The following PLAGL1 variants were observed in gnomAD, a reference collection of about 807,000 sequenced individuals.
The protein encoded by PLAGL1 is zinc finger protein PLAGL1.
PLAGL1 carries 1 observed loss-of-function variant against 4.6 expected under a neutral mutation model. The ratio of observed to expected loss-of-function variants is 0.22; its 90% confidence interval spans 0.08 to 1.03. PLAGL1 has a LOEUF of 1.03. PLAGL1 is among the 50% of genes least tolerant of loss of function. The pLI is 0.58. For missense variants in PLAGL1, 464 were observed against 570.4 expected (o/e 0.81, Z 1.90); for synonymous variants, 240 against 237.8 (o/e 1.01, Z -0.08).
At chr6:144,038,597 A>G (rs905018405) in intron 1 of PLAGL1, among the ~76,000 whole-genome samples, 97 of 152,324 alleles carry the variant, frequency 6.4e-4, no homozygotes, top group African/African-American at 2.2e-3. Flanking sequence ...TTTTTTTTCA[A>G]TGAATGGATA....
At position 143,994,769 on chromosome 6, in the gene PLAGL1, G is replaced by A. The variant is rs1388935317; in HGVS notation, c.-583-9595C>T. Reference sequence around the variant, plus strand: ...TAATGTGACTGTATTTGGAGATAGGGCCATCAGGGAGGTAATTAAGGTTAA... The same window carrying A: ...TAATGTGACTGTATTTGGAGATAGGACCATCAGGGAGGTAATTAAGGTTAA... On this transcript the variant is annotated intron_variant, in intron 1 of 7. Coordinates refer to ENST00000674357, the MANE Select transcript of PLAGL1 (RefSeq NM_001317162.2). This position sits in a 1 kb window ranked among gnomAD's most constrained non-coding sequence, Gnocchi z 4.3. Among the ~76,000 whole-genome samples the A allele has an allele frequency of 6.6e-6, 1 of 152,152 alleles. No individual in the cohort carries two copies. Among genetic ancestry groups the A allele is most frequent in the African/African-American group, 2.4e-5 (1 of 41,434 alleles).
chr6:144,044,043 T>C (rs574015708), intron 1 of PLAGL1, among the ~76,000 whole-genome samples: 17 of 152,322 alleles, frequency 1.1e-4, no homozygotes, highest in Admixed American at 5.9e-4. Context: ...TCATTTTTTA[T>C]TGTGTCTATT....
rs370261678 is a variant in PLAGL1 at position 144,060,612 on chromosome 6, GA to G, written c.-151+3855del. Reference sequence around the variant, plus strand: ...GGAGATTAAATCTGCCTCTTCCCAAGAAAAAAATGAACCAACACTGGGAAGT... The same window carrying G: ...GGAGATTAAATCTGCCTCTTCCCAAGAAAAAATGAACCAACACTGGGAAGT... On this transcript the variant is annotated intron_variant, in intron 1 of 3. Transcript: ENST00000437412. 3.2e-3 allele frequency among the ~76,000 whole-genome samples: 492 copies of G among 152,126 alleles called. 3 individuals carry two copies. Among genetic ancestry groups the G allele is most frequent in the African/African-American group, 0.011 (473 of 41,528 alleles).
intron 2 of PLAGL1, among the ~76,000 whole-genome samples, chr6:143,980,389 T>G (rs975185296): frequency 8.8e-5 from 2 of 22,798 alleles, no homozygotes; most frequent in African/African-American, 1.4e-4. Flanking sequence ...TTTTTTCTAG[T>G]TTTTTTTTTT....
Position 143,959,101 on chromosome 6 carries a change from C to T in PLAGL1, c.-325+1368G>A, listed in dbSNP as rs558562623. Among the ~76,000 whole-genome samples, 12 of 152,336 alleles carry T rather than the reference C, an allele frequency of 7.9e-5. No individual in the cohort carries two copies. The South Asian group carries it at 1.9e-3, about 24-fold the overall frequency. On this transcript the variant is annotated intron_variant, in intron 6 of 7. Coordinates refer to ENST00000674357, the MANE Select transcript of PLAGL1 (RefSeq NM_001317162.2). This position sits in a 1 kb window ranked among gnomAD's most constrained non-coding sequence, Gnocchi z 5.3. ...TGCTGCTCTGCGCTCCCCGTCGCCCCGGAGGCCGGCACCTTGCTCACAATA... is the reference window on the plus strand; with the variant it reads ...TGCTGCTCTGCGCTCCCCGTCGCCCTGGAGGCCGGCACCTTGCTCACAATA...
chr6:144,032,134 T>TTTTTTTA (rs1796879379), intron 1 of PLAGL1, among the ~76,000 whole-genome samples: 1 of 151,806 alleles, frequency 6.6e-6, no homozygotes, highest in Admixed American at 6.6e-5. Context: ...TTTTTTTTTT[T>TTTTTTTA]GAGACAGAGT....
Position 144,064,279 on chromosome 6 carries a change from G to T in PLAGL1, c.-151+189C>A, listed in dbSNP as rs1799662643. On this transcript the variant is annotated intron_variant, in intron 1 of 3. Transcript: ENST00000437412. The surrounding 1 kb of genome is among the most constrained non-coding windows in gnomAD (Gnocchi z 6.8). ...CAAGCACCGACCGCCATCCCCGGCA[G>T]GACGCAGGCAGGAGCCTCGGCCAGG... 6.6e-6 allele frequency among the ~76,000 whole-genome samples: 1 copy of T among 152,168 alleles called. No individual in the cohort carries two copies. Among genetic ancestry groups the T allele is most frequent in the Admixed American group, 6.5e-5 (1 of 15,284 alleles).
At chr6:144,021,429 T>G (rs1795971802) in intron 1 of PLAGL1, among the ~76,000 whole-genome samples, 1 of 152,218 alleles carries the variant, frequency 6.6e-6, no homozygotes, top group African/African-American at 2.4e-5. Context: ...TCTAATATTA[T>G]GTGGCAGCTT....
Position 143,948,643 on chromosome 6 carries a change from G to A in PLAGL1, c.-324-183C>T, listed in dbSNP as rs780146598. On this transcript the variant is annotated intron_variant, in intron 6 of 7. Transcript: ENST00000674357. The surrounding 1 kb of genome is among the most constrained non-coding windows in gnomAD (Gnocchi z 6.0). ...AGTCTACACTTTTGGCTTCTCAGAG[G>A]GTGAGGAGTCAAGCACTGATGGCCA... 1.3e-5 allele frequency among the ~76,000 whole-genome samples: 2 copies of A among 152,134 alleles called. No individual in the cohort carries two copies. The highest frequency in any genetic ancestry group is 1.9e-4 in the East Asian group (1 of 5,198).
In PLAGL1 at chr6:144,061,194, G is replaced by A. The variant is rs978910608; in HGVS notation, c.-151+3274C>T. Among the ~76,000 whole-genome samples, 3 of 152,248 alleles carry A rather than the reference G, an allele frequency of 2.0e-5. No homozygotes were observed. Among genetic ancestry groups the A allele is most frequent in the African/African-American group, 7.2e-5 (3 of 41,466 alleles). ...CCAGGGAGAGTCACAACAGCCAGAAGAGAGCCAACCATAGCATGGAGCAGA... is the reference window on the plus strand; with the variant it reads ...CCAGGGAGAGTCACAACAGCCAGAAAAGAGCCAACCATAGCATGGAGCAGA... On this transcript the variant is annotated intron_variant, in intron 1 of 3. Transcript: ENST00000437412. The surrounding 1 kb of genome is among the most constrained non-coding windows in gnomAD (Gnocchi z 4.4).
intron 1 of PLAGL1, among the ~76,000 whole-genome samples, chr6:144,024,163 T>G (rs1022561852): frequency 2.0e-5 from 3 of 152,222 alleles, no homozygotes; most frequent in African/African-American, 7.2e-5. Context: ...ATTTCCTAGC[T>G]CTGTCTACTG....
chr6:143,998,189 A>G (rs1473629368), intron 1 of PLAGL1, among the ~76,000 whole-genome samples: 3 of 152,228 alleles, frequency 2.0e-5, no homozygotes, highest in African/African-American at 7.2e-5. Context: ...AAATAGGAGT[A>G]CACCAGTTAA....
At position 143,942,810 on chromosome 6, in the gene PLAGL1, TAA is replaced by T; in HGVS notation, c.153-149_153-148del. 1 of 600,952 alleles carries T rather than the reference TAA, an allele frequency of 1.7e-6. No homozygotes were observed. Among genetic ancestry groups the T allele is most frequent in the East Asian group, 2.9e-5 (1 of 34,052 alleles). 37.2% of individuals were successfully genotyped at this position (600,952 alleles called of 1,614,324 possible). ...TTCTTTCATATATTTTCCAAATATA[TAA>T]ACTTTTATAATTAAGAAAAGCAAGC... On this transcript the variant is annotated intron_variant, in intron 7 of 7. Coordinates refer to ENST00000674357, the MANE Select transcript of PLAGL1 (RefSeq NM_001317162.2). This position sits in a 1 kb window ranked among gnomAD's most constrained non-coding sequence, Gnocchi z 7.6.
In PLAGL1 at chr6:144,004,207, G is replaced by T. The variant is rs1583619512; in HGVS notation, c.-584+3883C>A. Among the ~76,000 whole-genome samples, 1 of 150,824 alleles carries T rather than the reference G, an allele frequency of 6.6e-6. No individual in the cohort carries two copies. The highest frequency in any genetic ancestry group is 2.1e-4 in the South Asian group (1 of 4,798). On this transcript the variant is annotated intron_variant, in intron 1 of 7. Transcript: ENST00000674357. The surrounding 1 kb of genome is among the most constrained non-coding windows in gnomAD (Gnocchi z 4.2). ...TAATTTTTTTTTTTTTTAAGATGGG[G>T]TCATCTCACTGTCACCCAGGCTGCA... is the stretch of plus-strand genomic sequence containing the variant.
intron 1 of PLAGL1, among the ~76,000 whole-genome samples, chr6:144,028,147 A>G (rs896844925): frequency 3.3e-5 from 5 of 152,238 alleles, no homozygotes; most frequent in Non-Finnish European, 7.3e-5. Context: ...TGCAGTTATT[A>G]TATAAGCCAT....
intron 1 of PLAGL1, among the ~76,000 whole-genome samples, chr6:144,001,739 C>T (rs1357709445): frequency 3.9e-5 from 6 of 152,146 alleles, no homozygotes; most frequent in Non-Finnish European, 8.8e-5. Context: ...ATGTGGCTAT[C>T]ATATGCTGCC....
At position 143,983,552 on chromosome 6, in the gene PLAGL1, C is replaced by T. The variant is rs555329149; in HGVS notation, c.-544+1583G>A. On this transcript the variant is annotated intron_variant, in intron 2 of 7. Transcript: ENST00000674357. The surrounding 1 kb of genome is among the most constrained non-coding windows in gnomAD (Gnocchi z 6.6). ...ATGGCTGGGTATCTTTCTCCAGCTA[C>T]GTTCAGCTGCACTGCTGCAGGCATG... 3.9e-5 allele frequency among the ~76,000 whole-genome samples: 6 copies of T among 152,206 alleles called. No homozygotes were observed. In the East Asian group the frequency reaches 7.7e-4, roughly 20 times the overall value.
At position 144,036,586 on chromosome 6, in the gene PLAGL1, G is replaced by A. The variant is rs1313286005; in HGVS notation, c.-151+27882C>T. On this transcript the variant is annotated intron_variant, in intron 1 of 3. Coordinates refer to the PLAGL1 transcript ENST00000437412. This position sits in a 1 kb window ranked among gnomAD's most constrained non-coding sequence, Gnocchi z 5.1. Reference sequence around the variant, plus strand: ...GGGTGCAAGTGACATGCTGGAAAGAGCGTGGTAGACATCTAGGGGCCAACT... The same window carrying A: ...GGGTGCAAGTGACATGCTGGAAAGAACGTGGTAGACATCTAGGGGCCAACT... The A allele has an allele frequency of 5.5e-6, 1 of 180,884 alleles. No homozygotes were observed. Among genetic ancestry groups the A allele is most frequent in the African/African-American group, 2.4e-5 (1 of 41,664 alleles). The allele number at this position is 180,884 out of a possible 1,614,324, so 11.2% of individuals were successfully genotyped here.
Position 143,998,935 on chromosome 6 carries a change from C to CA in PLAGL1, c.-584+9154dup, listed in dbSNP as rs200744606. 3.0e-3 allele frequency among the ~76,000 whole-genome samples: 447 copies of CA among 151,334 alleles called. 10 individuals are homozygous for CA. Among genetic ancestry groups the CA allele is most frequent in the Admixed American group, 0.023 (355 of 15,214 alleles). On this transcript the variant is annotated intron_variant, in intron 1 of 7. Transcript: ENST00000674357. ...GCCAGTAAAGTAAGTTAGGACCAGA[C>CA]AAAAAAAAGGACCATTGTCATGCTA... is the stretch of plus-strand genomic sequence containing the variant.
Sources: gnomAD v4.1 joint callset for allele counts (sites outside exome capture counted in the v4.1 genomes callset) on GRCh38, gnomAD v4.1.1 for gene constraint, Gnocchi (gnomAD v3.1) non-coding constraint, MANE v1.5 for transcripts, NCBI Gene and HGNC (gene_info 2026-07-23, HGNC 2026-07-21) for gene names.